Variants in MYO3A observed in about 807,000 individuals in gnomAD.
MYO3A encodes myosin IIIA, also known as myosin-IIIa.
Under a neutral mutation model 192.7 loss-of-function variants are expected in MYO3A, and 180 were observed. The ratio of observed to expected loss-of-function variants is 0.93; its 90% CI spans 0.83 to 1.06. MYO3A has a LOEUF of 1.06. Ranked by LOEUF, MYO3A falls within the 50% of genes least tolerant of loss-of-function variation. The probability of loss-of-function intolerance (pLI) is 0.00; values close to 1 mark genes in which losing one functional copy is unlikely to be tolerated. For missense variants in MYO3A, 1,896 were observed against 1,905.0 expected (o/e 1.00, Z 0.09); for synonymous variants, 628 against 645.3 (o/e 0.97, Z 0.41).
intron 4 of MYO3A, among the ~76,000 whole-genome samples, chr10:25,955,552 C>A (rs758093516): frequency 2.6e-5 from 4 of 152,142 alleles, no homozygotes; most frequent in Non-Finnish European, 5.9e-5. Flanking sequence ...AGTGTCTGCC[C>A]TTTCCAATCC....
chr10:25,986,821 C>T (rs1839682794), intron 4 of MYO3A, among the ~76,000 whole-genome samples: 2 of 152,068 alleles, frequency 1.3e-5, no homozygotes, highest in Non-Finnish European at 1.5e-5. Context: ...CAATTTCCAT[C>T]AAAATACCAC....
intron 7 of MYO3A, 62 bp from the exon 8 acceptor site, chr10:26,021,441 A>G: frequency 6.4e-7 from 1 of 1,566,002 alleles, no homozygotes; most frequent in Non-Finnish European, 8.8e-7. Context: ...TGTTCTAAGT[A>G]TTTTATTACA....
intron 32 of MYO3A, among the ~76,000 whole-genome samples, chr10:26,198,999 C>T (rs1358934754): frequency 6.6e-6 from 1 of 152,078 alleles, no homozygotes; most frequent in Non-Finnish European, 1.5e-5. Context: ...TTATAAAATC[C>T]TCACCTTTGA....
At chr10:26,115,005 C>T (rs750831104) in intron 17 of MYO3A, among the ~76,000 whole-genome samples, 3 of 152,124 alleles carry the variant, frequency 2.0e-5, no homozygotes, top group Non-Finnish European at 4.4e-5. Context: ...TGGGAACCTA[C>T]GAGGAGTTTG....
chr10:25,959,391 A>G (rs1837774062), intron 4 of MYO3A, among the ~76,000 whole-genome samples: 1 of 152,164 alleles, frequency 6.6e-6, no homozygotes, highest in South Asian at 2.1e-4. Context: ...AGCAATAAAA[A>G]CATAGACCCA....
At chr10:26,093,653 T>G (rs1054364040) in intron 15 of MYO3A, among the ~76,000 whole-genome samples, 48 of 152,216 alleles carry the variant, frequency 3.2e-4, no homozygotes, top group African/African-American at 1.1e-3. Flanking sequence ...CAAAGATTTG[T>G]CCCTGCAGCT....
chr10:25,937,014 G>A (rs76028630), intron 2 of MYO3A, among the ~76,000 whole-genome samples: 9,536 of 151,560 alleles, frequency 0.063, 522 homozygotes, highest in Non-Finnish European at 0.093. Flanking sequence ...TATAGAAGTC[G>A]TATGCGATAG....
At chr10:26,073,981 CTTAA>C (rs1050709341) in intron 14 of MYO3A, among the ~76,000 whole-genome samples, 3 of 151,924 alleles carry the variant, frequency 2.0e-5, no homozygotes, top group Non-Finnish European at 2.9e-5. Flanking sequence ...TAAATTATAC[CTTAA>C]TTGTTTTCAA....
chr10:26,063,726 T>A (rs909214010), intron 10 of MYO3A, among the ~76,000 whole-genome samples: 4 of 152,216 alleles, frequency 2.6e-5, no homozygotes, highest in Non-Finnish European at 4.4e-5. Flanking sequence ...AATAAAGTTT[T>A]ATCATACAGA....
chr10:26,055,615 C>A (rs1041018914), intron 10 of MYO3A, among the ~76,000 whole-genome samples: 9 of 152,154 alleles, frequency 5.9e-5, no homozygotes, highest in African/African-American at 2.2e-4. Context: ...TAGTCAGGTT[C>A]TCACAGTAAA....
chr10:26,181,639 T>C (rs1425117283), intron 31 of MYO3A, among the ~76,000 whole-genome samples: 3 of 152,090 alleles, frequency 2.0e-5, no homozygotes, highest in Admixed American at 6.5e-5. Flanking sequence ...AACCCACTAC[T>C]ATTCTTTACT....
At chr10:26,006,708 A>G (rs1841237179) in intron 6 of MYO3A, among the ~76,000 whole-genome samples, 1 of 152,164 alleles carries the variant, frequency 6.6e-6, no homozygotes, top group South Asian at 2.1e-4. Flanking sequence ...GAATAGACCA[A>G]TAACAGGCTC....
intron 17 of MYO3A, among the ~76,000 whole-genome samples, chr10:26,099,465 G>A (rs1837289320): frequency 6.6e-6 from 1 of 152,202 alleles, no homozygotes; most frequent in Non-Finnish European, 1.5e-5. Context: ...GGAGTGGTGA[G>A]AGAGGGCATC....
Position 26,066,792 on chromosome 10 carries a change from T to C in MYO3A, c.954-183T>C, listed in dbSNP as rs3824705. On this transcript the variant is annotated intron_variant, in intron 10 of 34. Transcript: ENST00000642920. ...CATGAAGTAAATTCTGTAATTTGCA[T>C]TTTTCCAATGGAAAGGAGTAAACAA... Among the ~76,000 whole-genome samples, 72,159 of 152,018 alleles carry C rather than the reference T, an allele frequency of 0.47. 17,921 individuals carry two copies. Among genetic ancestry groups the C allele is most frequent in the Middle Eastern group, 0.59 (171 of 292 alleles).
chr10:26,034,131 G>A (rs1227258768), intron 10 of MYO3A, among the ~76,000 whole-genome samples: 1 of 152,188 alleles, frequency 6.6e-6, no homozygotes, highest in African/African-American at 2.4e-5. Context: ...GCAGACTACA[G>A]CAATAATTTT....
chr10:26,093,338 G>A (rs1043068992), intron 15 of MYO3A, among the ~76,000 whole-genome samples: 2 of 152,190 alleles, frequency 1.3e-5, no homozygotes, highest in Non-Finnish European at 1.5e-5. Flanking sequence ...TATATGCTGT[G>A]CCAGTCGTAG....
chr10:25,949,506 A>G (rs1427038911), intron 2 of MYO3A, among the ~76,000 whole-genome samples: 1 of 152,120 alleles, frequency 6.6e-6, no homozygotes, highest in Non-Finnish European at 1.5e-5. Context: ...AGAAGTAGTG[A>G]TTTTGTCACT....
At chr10:26,090,589 T>C (rs753218064) in intron 15 of MYO3A, among the ~76,000 whole-genome samples, 18 of 152,354 alleles carry the variant, frequency 1.2e-4, no homozygotes, top group Middle Eastern at 3.4e-3. Flanking sequence ...TTATATCTGT[T>C]TTTTCTTTCA....
At chr10:26,044,891 A>G (rs1156977450) in intron 10 of MYO3A, among the ~76,000 whole-genome samples, 1 of 152,184 alleles carries the variant, frequency 6.6e-6, no homozygotes, top group East Asian at 1.9e-4. Context: ...AACACATAAC[A>G]AACAGATCCA....
Sources: gnomAD v4.1 joint callset for allele counts (sites outside exome capture counted in the v4.1 genomes callset) on GRCh38, gnomAD v4.1.1 for gene constraint, MANE v1.5 for transcripts, NCBI Gene and HGNC (gene_info 2026-07-23, HGNC 2026-07-21) for gene names.